Variants in LILRA1 observed in about 807,000 individuals in gnomAD.
LILRA1 encodes leukocyte immunoglobulin like receptor A1, also known as leukocyte immunoglobulin-like receptor subfamily A member 1.
Under a neutral mutation model 51.6 loss-of-function variants are expected in LILRA1, and 51 were observed. The observed-to-expected ratio is 0.99, with a 90% CI of 0.79 to 1.25. The LOEUF (loss-of-function observed/expected upper bound fraction) is 1.25. Among genes scored for constraint, LILRA1 ranks in the 50% most tolerant of loss-of-function variants. The pLI is 0.00. For missense variants in LILRA1, 660 were observed against 611.7 expected (o/e 1.08, Z -0.83); for synonymous variants, 305 against 248.4 (o/e 1.23, Z -2.14).
In LILRA1 at chr19:54,596,074, CG is replaced by C. The variant is rs1257220253; in HGVS notation, c.959-111del. 25 of 601,020 alleles carry C rather than the reference CG, an allele frequency of 4.2e-5. 1 individual carries two copies. In the East Asian group the frequency reaches 1.5e-3, roughly 36 times the overall value. The allele number at this position is 601,020 out of a possible 1,614,324, so 37.2% of individuals were successfully genotyped here. A position where few individuals can be genotyped will look rare whatever the true frequency, so the allele number is the denominator to read the frequency against. The stretch of plus-strand genomic sequence containing the variant: ...AGACAGAGACAGGGGATGGGCGGGG[CG>C]GGGAAGACTCAGAGAAAACAGAGAT... On this transcript the variant is annotated intron_variant, in intron 6 of 9. Transcript: ENST00000251372.
At position 54,601,050 on chromosome 19, in the gene LILRA1, G is replaced by T; in HGVS notation, c.*233G>T. 1.7e-6 allele frequency: 1 copy of T among 592,948 alleles called. No homozygotes were observed. Among genetic ancestry groups the T allele is most frequent in the South Asian group, 2.0e-5 (1 of 49,788 alleles). The allele number at this position is 592,948 out of a possible 1,614,324, so 36.7% of individuals were successfully genotyped here. On this transcript the variant is annotated 3_prime_UTR_variant, in exon 10 of 10. Coordinates refer to ENST00000251372, the MANE Select transcript of LILRA1 (RefSeq NM_006863.4). ...TGTGATACCTTTCCTCTCTATTAATGTTGACTTCCCTTGGTTGGATCCTCT... is the reference window on the plus strand; with the variant it reads ...TGTGATACCTTTCCTCTCTATTAATTTTGACTTCCCTTGGTTGGATCCTCT...
intron 7 of LILRA1, among the ~76,000 whole-genome samples, chr19:54,597,023 G>GC (rs2063073600): frequency 1.3e-5 from 2 of 152,210 alleles, no homozygotes. Flanking sequence ...GGAGGAGATG[G>GC]GGGTGAACCT....
chr19:54,598,498 G>T (rs1202495219), intron 7 of LILRA1, among the ~76,000 whole-genome samples: 1 of 152,208 alleles, frequency 6.6e-6, no homozygotes, highest in African/African-American at 2.4e-5. Context: ...GGGAGCTACA[G>T]TGCAGCTCAG....
chr19:54,599,218 C>T lies in LILRA1; in HGVS notation c.1262-18C>T, dbSNP rs1225979244. The T allele has an allele frequency of 6.4e-7, 1 of 1,555,224 alleles. No individual in the cohort carries two copies. Among genetic ancestry groups the T allele is most frequent in the Non-Finnish European group, 8.7e-7 (1 of 1,143,928 alleles). On this transcript the variant is annotated intron_variant, in intron 7 of 9. Coordinates refer to ENST00000251372, the MANE Select transcript of LILRA1 (RefSeq NM_006863.4). ...GTTACCTCTGAATATGTCTCTTCTC[C>T]TCTGTTTTGATTCTCAGGAGCAGCT...
intron 7 of LILRA1, 43 bp from the exon 8 acceptor site, chr19:54,599,193 G>A (rs758401184): frequency 3.3e-6 from 5 of 1,511,350 alleles, no homozygotes; most frequent in Non-Finnish European, 4.5e-6. Flanking sequence ...TGTTATATAA[G>A]TTACCTCTGA....
rs1186685281 is a variant in LILRA1 at position 54,596,393 on chromosome 19, C to G, written c.1163C>G (p.Thr388Ser). 2 of 1,614,004 alleles carry G rather than the reference C, an allele frequency of 1.2e-6. No individual in the cohort carries two copies. The highest frequency in any genetic ancestry group is 1.7e-5 in the Admixed American group (1 of 59,994). The change falls in exon 7 of 10, where the codon ACC becomes AGC. Residue 388 changes from threonine (T) to serine (S), a missense_variant. Physicochemically the swap from Thr to Ser is moderately conservative, Grantham distance 58. Coordinates refer to ENST00000251372, the MANE Select transcript of LILRA1 (RefSeq NM_006863.4). ...YQAEFPMSPV[T>S]SAHSGTYRCY... is the part of the protein sequence containing the mutation. ...GCTGAATTCCCTATGAGTCCTGTGA[C>G]CTCAGCCCACTCGGGGACCTACAGG...
rs1309943607 is a variant in LILRA1, at chr19:54,602,352, C to G, written c.*1535C>G. Among the ~76,000 whole-genome samples the G allele has an allele frequency of 6.6e-6, 1 of 152,186 alleles. No individual in the cohort carries two copies. Among genetic ancestry groups the G allele is most frequent in the Non-Finnish European group, 1.5e-5 (1 of 68,036 alleles). On this transcript the variant is annotated 3_prime_UTR_variant, in exon 10 of 10. Transcript: ENST00000251372. Reference sequence around the variant, plus strand: ...GAAATGTTATCATTTGCCATCTACCCTCTAGAATAAAGAAATCTTATTAAG... The same window carrying G: ...GAAATGTTATCATTTGCCATCTACCGTCTAGAATAAAGAAATCTTATTAAG...
chr19:54,600,892 T>A lies in LILRA1; in HGVS notation c.*75T>A. The A allele has an allele frequency of 1.9e-6, 3 of 1,547,298 alleles. No individual in the cohort carries two copies. The South Asian group carries it at 3.3e-5, about 17-fold the overall frequency. On this transcript the variant is annotated 3_prime_UTR_variant, in exon 10 of 10. Transcript: ENST00000251372. ...GGTGGAGCCTTGGGAACAGATCTGA[T>A]GATGCCAGGAGGTTCCGGGAGACAA...
chr19:54,593,887 G>A (rs1295045150), intron 1 of LILRA1, 106 bp downstream of exon 1: 3 of 599,772 alleles, frequency 5.0e-6, no homozygotes, highest in Non-Finnish European at 8.9e-6. Context: ...TCATCTGGAA[G>A]GGCAGACGCA....
rs1302550402 is a variant in LILRA1, at chr19:54,594,916, T to G, written c.322T>G (p.Ser108Ala). ...CFYGSHTAGW[S>A]EPSDPLELVV... is the part of the protein sequence containing the mutation. ...CTACGGTAGCCACACTGCAGGCTGG[T>G]CAGAGCCCAGTGACCCCCTGGAGCT... Residue 108 changes from serine to alanine, a missense_variant, in exon 4 of 10, where the codon TCA (serine) becomes GCA (alanine). Physicochemically the swap from Ser to Ala is moderately conservative, Grantham distance 99. Coordinates refer to ENST00000251372, the MANE Select transcript of LILRA1 (RefSeq NM_006863.4). 4 of 1,614,054 alleles carry G rather than the reference T, an allele frequency of 2.5e-6. No homozygotes were observed. Among genetic ancestry groups the G allele is most frequent in the Non-Finnish European group, 3.4e-6 (4 of 1,179,956 alleles).
Position 54,594,365 on chromosome 19 carries a change from G to A in LILRA1, c.35-76G>A. 3.7e-6 allele frequency: 6 copies of A among 1,614,098 alleles called. No individual in the cohort carries two copies. The South Asian group carries it at 6.6e-5, about 18-fold the overall frequency. On this transcript the variant is annotated intron_variant, in intron 2 of 9. Coordinates refer to ENST00000251372, the MANE Select transcript of LILRA1 (RefSeq NM_006863.4). ...TCTAGTCCCTAAGGAGACCCCAGGG[G>A]CTCACAAAGATCCCAGGGAGGGGAG...
At position 54,595,804 on chromosome 19, in the gene LILRA1, G is replaced by C; in HGVS notation, c.827G>C (p.Gly276Ala). 1 of 1,614,204 alleles carries C rather than the reference G, an allele frequency of 6.2e-7. No individual in the cohort carries two copies. The highest frequency in any genetic ancestry group is 8.5e-7 in the Non-Finnish European group (1 of 1,180,014). The change falls in exon 6 of 10, where the codon GGG (glycine) becomes GCG (alanine). Residue 276 changes from glycine (G) to alanine (A), a missense_variant. Transcript: ENST00000251372. ...CTCCCTGGCCCACAGCCCCAGGCTGGGCTCTCCCAGGCCAACTTCACCCTG... is the reference window on the plus strand; with the variant it reads ...CTCCCTGGCCCACAGCCCCAGGCTGCGCTCTCCCAGGCCAACTTCACCCTG... ...LQLPGPQPQA[G>A]LSQANFTLGP...
At chr19:54,596,637 G>T in intron 7 of LILRA1, 146 bp downstream of exon 7, 4 of 1,166,540 alleles carry the variant, frequency 3.4e-6, no homozygotes, top group Non-Finnish European at 4.8e-6. Context: ...GGAGGCCCAG[G>T]CGGGTGGATC....
At chr19:54,597,483 A>G (rs2146078099) in intron 7 of LILRA1, among the ~76,000 whole-genome samples, 1 of 152,128 alleles carries the variant, frequency 6.6e-6, no homozygotes, top group East Asian at 1.9e-4. Context: ...TTTCTACTGA[A>G]AGCAACACGT....
In LILRA1 at chr19:54,600,803, C is replaced by T. The variant is rs1360731651; in HGVS notation, c.1456C>T (p.Gln486Ter). ...TCTGCTATTTGAGGCTCAGCACAGCCAGAGAAGCCTCTGAGATGCAGCCGG... is the reference window on the plus strand; with the variant it reads ...TCTGCTATTTGAGGCTCAGCACAGCTAGAGAAGCCTCTGAGATGCAGCCGG... ...GILLFEAQHS[Q>*]RSL is the part of the protein sequence containing the mutation. Residue 486 changes from glutamine to a stop codon, truncating the protein, a stop_gained, in exon 10 of 10, where the codon CAG becomes TAG. Transcript: ENST00000251372. LOFTEE classifies it high-confidence loss of function. The T allele has an allele frequency of 4.3e-6, 7 of 1,613,994 alleles. No homozygotes were observed. Among genetic ancestry groups the T allele is most frequent in the Non-Finnish European group, 5.9e-6 (7 of 1,180,006 alleles).
chr19:54,597,242 G>T (rs1474796130), intron 7 of LILRA1, among the ~76,000 whole-genome samples: 1 of 152,124 alleles, frequency 6.6e-6, no homozygotes, highest in Non-Finnish European at 1.5e-5. Context: ...GATTTCCAGG[G>T]CAGCAGAGGG....
chr19:54,596,496 G>C lies in LILRA1; in HGVS notation c.1261+5G>C. ...CCCTGGAGCTCATGGTCTCAGGTGA[G>C]GGCCCTGACCCTGTCCTCTCCGAGC... On this transcript the variant is annotated splice_donor_5th_base_variant and intron_variant, in intron 7 of 9. Coordinates refer to ENST00000251372, the MANE Select transcript of LILRA1 (RefSeq NM_006863.4). The C allele has an allele frequency of 6.2e-7, 1 of 1,614,116 alleles. No individual in the cohort carries two copies. Among genetic ancestry groups the C allele is most frequent in the Non-Finnish European group, 8.5e-7 (1 of 1,180,014 alleles).
chr19:54,595,943 G>A lies in LILRA1; in HGVS notation c.958+8G>A, dbSNP rs370032738. Reference sequence around the variant, plus strand: ...TGGACATCCTGATCGCAGGTGAGGAGCCCAGCGGGTTCAGTCAGGGACACA... The same window carrying A: ...TGGACATCCTGATCGCAGGTGAGGAACCCAGCGGGTTCAGTCAGGGACACA... On this transcript the variant is annotated splice_region_variant and intron_variant, in intron 6 of 9. Transcript: ENST00000251372. 2.1e-5 allele frequency: 34 copies of A among 1,611,858 alleles called. No individual in the cohort carries two copies. The highest frequency in any genetic ancestry group is 2.7e-5 in the Non-Finnish European group (32 of 1,179,800).
rs1468518113 is a variant in LILRA1, at chr19:54,597,417, A to T, written c.1261+926A>T. Reference sequence around the variant, plus strand: ...CTCCCCGAGCAGGATTCCAGGAGACATCACCTCTGGTTGAGACTCTCCACT... The same window carrying T: ...CTCCCCGAGCAGGATTCCAGGAGACTTCACCTCTGGTTGAGACTCTCCACT... On this transcript the variant is annotated intron_variant, in intron 7 of 9. Coordinates refer to ENST00000251372, the MANE Select transcript of LILRA1 (RefSeq NM_006863.4). Among the ~76,000 whole-genome samples the T allele has an allele frequency of 2.7e-5, 4 of 145,998 alleles. No individual in the cohort carries two copies. In the East Asian group the frequency reaches 5.9e-4, roughly 22 times the overall value.
Sources: gnomAD v4.1 joint callset for allele counts (sites outside exome capture counted in the v4.1 genomes callset) on GRCh38, gnomAD v4.1.1 for gene constraint, MANE v1.5 for transcripts, NCBI Gene and HGNC (gene_info 2026-07-23, HGNC 2026-07-21) for gene names.